The following FRMD4B variants were observed in gnomAD, a reference collection of about 807,000 sequenced individuals.
FRMD4B encodes the protein FERM domain containing 4B.
FRMD4B carries 74 observed loss-of-function variants against 141.5 expected under a neutral mutation model. That is an observed-to-expected ratio of 0.52 (90% CI 0.43 to 0.63). FRMD4B has a LOEUF of 0.63. Ranked by LOEUF, FRMD4B falls within the 30% of genes least tolerant of loss-of-function variation. The pLI is 0.00. For synonymous variants in FRMD4B, 506 were observed against 467.9 expected, an observed-to-expected ratio of 1.08 and a Z score of -1.05; for missense variants, 1,366 against 1,253.4, an observed-to-expected ratio of 1.09 and a Z score of -1.36.
intron 1 of FRMD4B, among the ~76,000 whole-genome samples, chr3:69,439,501 G>A (rs1705312468): frequency 1.3e-5 from 2 of 152,166 alleles, no homozygotes. Context: ...CGTGAGATGG[G>A]GATGGAATGG....
In FRMD4B at chr3:69,224,596, A is replaced by C. The variant is rs1300670359; in HGVS notation, c.665+11T>G. 2.2e-6 allele frequency: 3 copies of C among 1,380,020 alleles called. No individual in the cohort carries two copies. Among genetic ancestry groups the C allele is most frequent in the Admixed American group, 3.5e-5 (2 of 57,038 alleles). 85.5% of individuals were successfully genotyped at this position (1,380,020 alleles called of 1,614,324 possible). On this transcript the variant is annotated intron_variant, in intron 8 of 22. Transcript: ENST00000398540. Reference sequence around the variant, plus strand: ...TGAAAATGAGACACCTGTTATGTGGATTTGGCTTACCAGTAGGCAAGGGAT... The same window carrying C: ...TGAAAATGAGACACCTGTTATGTGGCTTTGGCTTACCAGTAGGCAAGGGAT...
intron 2 of FRMD4B, among the ~76,000 whole-genome samples, chr3:69,424,981 G>A (rs977194889): frequency 6.6e-6 from 1 of 152,048 alleles, no homozygotes; most frequent in African/African-American, 2.4e-5. Context: ...CTACCTACCC[G>A]CAACCCTCTG....
chr3:69,171,788 C>A lies in FRMD4B; in HGVS notation c.*73G>T, dbSNP rs780109217. 1 of 1,480,866 alleles carries A rather than the reference C, an allele frequency of 6.8e-7. No individual in the cohort carries two copies. The highest frequency in any genetic ancestry group is 9.3e-7 in the Non-Finnish European group (1 of 1,071,364). 91.7% of individuals were successfully genotyped at this position (1,480,866 alleles called of 1,614,324 possible). A position where few individuals can be genotyped will look rare whatever the true frequency, so the allele number is the denominator to read the frequency against. On this transcript the variant is annotated 3_prime_UTR_variant, in exon 23 of 23. Coordinates refer to ENST00000398540, the MANE Select transcript of FRMD4B (RefSeq NM_015123.3). Reference sequence around the variant, plus strand: ...TAGGTTTCTAAAACGAACATCCTCTCGGAAGACAAATACAATTTGCAAGGC... The same window carrying A: ...TAGGTTTCTAAAACGAACATCCTCTAGGAAGACAAATACAATTTGCAAGGC...
At chr3:69,496,334 C>T (rs1706386622) in intron 1 of FRMD4B, among the ~76,000 whole-genome samples, 1 of 152,040 alleles carries the variant, frequency 6.6e-6, no homozygotes, top group Non-Finnish European at 1.5e-5. Context: ...TGTTTGGGTT[C>T]AGGAGGACCC....
intron 5 of FRMD4B, among the ~76,000 whole-genome samples, chr3:69,257,640 C>T (rs964105077): frequency 6.6e-6 from 1 of 152,036 alleles, no homozygotes; most frequent in African/African-American, 2.4e-5. Context: ...TCATCACTTA[C>T]TATATTTTAA....
chr3:69,539,181 G>C (rs772366031), intron 1 of FRMD4B, among the ~76,000 whole-genome samples: 1 of 152,196 alleles, frequency 6.6e-6, no homozygotes, highest in Non-Finnish European at 1.5e-5. Flanking sequence ...CTGCAGGCTG[G>C]ATAAGGCAGG....
intron 1 of FRMD4B, among the ~76,000 whole-genome samples, chr3:69,461,623 CAAAAAAAAAA>C (rs58143332): frequency 4.6e-5 from 2 of 43,464 alleles, no homozygotes; most frequent in Non-Finnish European, 8.0e-5. Context: ...GACTCTGTCT[CAAAAAAAAAA>C]AAAAAAAAAA....
At chr3:69,509,280 A>G (rs986683707) in intron 1 of FRMD4B, among the ~76,000 whole-genome samples, 2 of 152,178 alleles carry the variant, frequency 1.3e-5, no homozygotes, top group Admixed American at 6.5e-5. Flanking sequence ...ATCTAACTCT[A>G]CGTCTTCACT....
At position 69,182,588 on chromosome 3, in the gene FRMD4B, G is replaced by A. The variant is rs368265020; in HGVS notation, c.2039+10C>T. The stretch of plus-strand genomic sequence containing the variant: ...AGACAGCTAAAGCAATGAGAAAGAA[G>A]CTCTCTTACTCCAAGTGGCTGCTGC... On this transcript the variant is annotated intron_variant, in intron 20 of 22. Coordinates refer to ENST00000398540, the MANE Select transcript of FRMD4B (RefSeq NM_015123.3). The A allele has an allele frequency of 1.6e-5, 26 of 1,592,138 alleles. No individual in the cohort carries two copies. The highest frequency in any genetic ancestry group is 1.2e-4 in the African/African-American group (9 of 73,392).
At chr3:69,358,531 T>C (rs1318377882) in intron 1 of FRMD4B, among the ~76,000 whole-genome samples, 1 of 151,690 alleles carries the variant, frequency 6.6e-6, no homozygotes, top group Non-Finnish European at 1.5e-5. Context: ...AGTTCAGGAG[T>C]TTGAGACCAG....
At chr3:69,212,838 T>C (rs1029106977) in intron 11 of FRMD4B, among the ~76,000 whole-genome samples, 7 of 152,322 alleles carry the variant, frequency 4.6e-5, no homozygotes, top group African/African-American at 1.7e-4. Flanking sequence ...CTGAGTGTTA[T>C]TTCTTAAGTA....
At chr3:69,519,791 C>T (rs976058344) in intron 1 of FRMD4B, among the ~76,000 whole-genome samples, 9 of 151,836 alleles carry the variant, frequency 5.9e-5, no homozygotes, top group African/African-American at 2.2e-4. Flanking sequence ...CCCTCACCCC[C>T]TCCCATCTTT....
intron 7 of FRMD4B, among the ~76,000 whole-genome samples, chr3:69,240,277 C>T (rs967874007): frequency 1.5e-4 from 23 of 151,762 alleles, no homozygotes; most frequent in Non-Finnish European, 2.6e-4. Flanking sequence ...GTCAGAAGAT[C>T]GAGACCATTC....
intron 3 of FRMD4B, among the ~76,000 whole-genome samples, chr3:69,302,774 A>G (rs1701259115): frequency 6.6e-6 from 1 of 152,214 alleles, no homozygotes; most frequent in Non-Finnish European, 1.5e-5. Flanking sequence ...TAAAAAAATT[A>G]TTTAAAACTA....
chr3:69,455,372 G>A (rs576196705), intron 1 of FRMD4B, among the ~76,000 whole-genome samples: 2 of 152,292 alleles, frequency 1.3e-5, no homozygotes, highest in African/African-American at 4.8e-5. Context: ...CTGCCTTTAT[G>A]AGCTGTAACA....
intron 4 of FRMD4B, among the ~76,000 whole-genome samples, chr3:69,296,103 C>T (rs1266388221): frequency 6.6e-6 from 1 of 152,190 alleles, no homozygotes; most frequent in Non-Finnish European, 1.5e-5. Context: ...GCATGAGTCA[C>T]TGCTCGTGAG....
At chr3:69,471,050 T>C (rs1050442027) in intron 1 of FRMD4B, among the ~76,000 whole-genome samples, 1 of 152,184 alleles carries the variant, frequency 6.6e-6, no homozygotes, top group African/African-American at 2.4e-5. Flanking sequence ...CTGTAAATGT[T>C]AAGAAATTGC....
chr3:69,328,082 G>A (rs1446998021), intron 1 of FRMD4B, among the ~76,000 whole-genome samples: 1 of 152,194 alleles, frequency 6.6e-6, no homozygotes, highest in African/African-American at 2.4e-5. Context: ...ATAACTGGGA[G>A]GAAAGATCTT....
At chr3:69,270,218 G>T (rs1212111174) in intron 5 of FRMD4B, among the ~76,000 whole-genome samples, 1 of 152,140 alleles carries the variant, frequency 6.6e-6, no homozygotes, top group Non-Finnish European at 1.5e-5. Context: ...CCTTGCAAAG[G>T]TTCCCCAAAA....
Sources: allele counts gnomAD v4.1 joint callset (sites outside exome capture counted in the v4.1 genomes callset), GRCh38; gene constraint gnomAD v4.1.1; transcripts MANE v1.5; gene names NCBI Gene and HGNC (gene_info 2026-07-23, HGNC 2026-07-21).